Variants in NCOA1 observed in about 807,000 individuals in gnomAD.
NCOA1 encodes nuclear receptor coactivator 1, also known as Hin-2 protein.
In NCOA1, 35 loss-of-function variants were observed where a neutral mutation model predicts 150.9. That is an observed-to-expected ratio of 0.23 (90% CI 0.18 to 0.31). The LOEUF is 0.31. Ranked by LOEUF, NCOA1 falls within the 10% of genes least tolerant of loss-of-function variation. NCOA1 has a pLI of 1.00. For missense variants in NCOA1, 1,491 were observed against 1,749.3 expected (o/e 0.85, Z 2.63); for synonymous variants, 590 against 630.0 (o/e 0.94, Z 0.95).
At chr2:24,655,632 C>T (rs1220345897) in intron 4 of NCOA1, among the ~76,000 whole-genome samples, 4 of 152,164 alleles carry the variant, frequency 2.6e-5, no homozygotes. Flanking sequence ...TGGTAGCCTA[C>T]TCTGGTGGGT....
chr2:24,681,748 T>G (rs946148394), intron 7 of NCOA1, among the ~76,000 whole-genome samples: 1 of 151,148 alleles, frequency 6.6e-6, no homozygotes, highest in Non-Finnish European at 1.5e-5. Flanking sequence ...GGAGTCTTGC[T>G]CTGTCGCCCA....
At chr2:24,642,543 G>A (rs929406608) in intron 3 of NCOA1, among the ~76,000 whole-genome samples, 6 of 152,000 alleles carry the variant, frequency 3.9e-5, no homozygotes, top group South Asian at 2.1e-4. Context: ...ATCTCTTTTT[G>A]AAGAGTATTG....
At chr2:24,718,825 C>T (rs1438502285) in intron 14 of NCOA1, among the ~76,000 whole-genome samples, 9 of 149,804 alleles carry the variant, frequency 6.0e-5, no homozygotes, top group Admixed American at 2.0e-4. Context: ...GCCGAGATCG[C>T]GCCACTGCAC....
chr2:24,733,939 C>A (rs1463083521), intron 17 of NCOA1, among the ~76,000 whole-genome samples: 1 of 152,146 alleles, frequency 6.6e-6, no homozygotes, highest in African/African-American at 2.4e-5. Context: ...AACCCCAGCA[C>A]TTTGGGAGGC....
At chr2:24,569,685 T>C (rs1349498927) in intron 2 of NCOA1, among the ~76,000 whole-genome samples, 1 of 147,044 alleles carries the variant, frequency 6.8e-6, no homozygotes, top group East Asian at 2.1e-4. Context: ...ACCTGGCCAA[T>C]GTGGTGAAAC....
chr2:24,756,510 A>C (rs774341723), intron 20 of NCOA1, among the ~76,000 whole-genome samples: 1 of 152,192 alleles, frequency 6.6e-6, no homozygotes, highest in Non-Finnish European at 1.5e-5. Context: ...ACCTTAGTCT[A>C]CTGGAAACTG....
In NCOA1 at chr2:24,727,138, CAAAAAAAAAAAAA is replaced by C. The variant is rs755486331; in HGVS notation, c.2717+444_2717+456del. On this transcript the variant is annotated intron_variant, in intron 15 of 22. Coordinates refer to ENST00000348332, the MANE Select transcript of NCOA1 (RefSeq NM_003743.5). ...GGGCAACAAGAGTGAAACTCTGTCT[CAAAAAAAAAAAAA>C]AAAAAAAAAAAGGGTGGCGGGGACA... Among the ~76,000 whole-genome samples, 141 of 43,270 alleles carry C rather than the reference CAAAAAAAAAAAAA, an allele frequency of 3.3e-3. 1 individual carries two copies. The highest frequency in any genetic ancestry group is 0.012 in the African/African-American group (136 of 11,198). 28.4% of individuals were successfully genotyped at this position (43,270 alleles called of 152,430 possible).
intron 1 of NCOA1, among the ~76,000 whole-genome samples, chr2:24,538,722 G>T (rs1361212653): frequency 1.3e-5 from 2 of 152,120 alleles, no homozygotes; most frequent in African/African-American, 2.4e-5. Flanking sequence ...CTTCCCAGTT[G>T]CTCTGATTTC....
intron 3 of NCOA1, among the ~76,000 whole-genome samples, chr2:24,639,387 C>T (rs1008482114): frequency 1.5e-4 from 23 of 151,936 alleles, no homozygotes; most frequent in Admixed American, 6.6e-5. Context: ...TCTGTGGTGA[C>T]ATCCCTCATA....
chr2:24,615,062 A>G (rs1016898970), intron 3 of NCOA1, among the ~76,000 whole-genome samples: 10 of 152,258 alleles, frequency 6.6e-5, no homozygotes, highest in African/African-American at 2.4e-4. Flanking sequence ...CCAAGTAGTC[A>G]TTCTGATTCC....
chr2:24,525,423 G>A (rs1355384257), intron 1 of NCOA1, among the ~76,000 whole-genome samples: 2 of 152,178 alleles, frequency 1.3e-5, no homozygotes, highest in African/African-American at 4.8e-5. Flanking sequence ...TAAGGATAAG[G>A]ATTAGGAAAG....
At chr2:24,603,152 C>CT in intron 3 of NCOA1, among the ~76,000 whole-genome samples, 1 of 151,680 alleles carries the variant, frequency 6.6e-6, no homozygotes, top group Admixed American at 6.6e-5. Flanking sequence ...ATACCGTAGT[C>CT]TATCAAGTGT....
At chr2:24,768,079 G>A in intron 22 of NCOA1, 142 bp from the exon 23 acceptor site, 1 of 1,613,502 alleles carries the variant, frequency 6.2e-7, no homozygotes, top group Non-Finnish European at 8.5e-7. Flanking sequence ...CTTTTTGTAG[G>A]ACAAGAAGAC....
intron 2 of NCOA1, among the ~76,000 whole-genome samples, chr2:24,576,288 C>T (rs1666984200): frequency 6.6e-6 from 1 of 150,894 alleles, no homozygotes; most frequent in Non-Finnish European, 1.5e-5. Flanking sequence ...TGCATGTCTC[C>T]AAGGCACTGT....
chr2:24,493,773 A>G (rs1663080295), intron 1 of NCOA1, among the ~76,000 whole-genome samples: 1 of 152,236 alleles, frequency 6.6e-6, no homozygotes, highest in Admixed American at 6.5e-5. Flanking sequence ...AGCAGTTTGT[A>G]TAATCCCAAG....
intron 6 of NCOA1, among the ~76,000 whole-genome samples, chr2:24,670,990 C>G (rs916332313): frequency 6.6e-6 from 1 of 152,148 alleles, no homozygotes; most frequent in Non-Finnish European, 1.5e-5. Flanking sequence ...TTGTCAATAC[C>G]TAGTGATATA....
At chr2:24,575,589 T>TG (rs1666921021) in intron 2 of NCOA1, among the ~76,000 whole-genome samples, 1 of 151,156 alleles carries the variant, frequency 6.6e-6, no homozygotes. Flanking sequence ...TTTTTTTTTT[T>TG]TTGAGACAGA....
intron 4 of NCOA1, among the ~76,000 whole-genome samples, chr2:24,654,533 T>A (rs1293565873): frequency 6.6e-6 from 1 of 152,162 alleles, no homozygotes; most frequent in African/African-American, 2.4e-5. Context: ...ATTACTAAGA[T>A]GAGAAAGATT....
At chr2:24,535,728 T>C (rs1665104054) in intron 1 of NCOA1, among the ~76,000 whole-genome samples, 1 of 152,216 alleles carries the variant, frequency 6.6e-6, no homozygotes, top group Non-Finnish European at 1.5e-5. Context: ...TGGCTGGATA[T>C]GAAATTCTGG....
Sources: gnomAD v4.1 joint callset for allele counts (sites outside exome capture counted in the v4.1 genomes callset) on GRCh38, gnomAD v4.1.1 for gene constraint, MANE v1.5 for transcripts, NCBI Gene and HGNC (gene_info 2026-07-23, HGNC 2026-07-21) for gene names.